Variants in BORA observed in about 807,000 individuals in gnomAD.
BORA encodes the protein protein aurora borealis.
Under a neutral mutation model 55.8 loss-of-function variants are expected in BORA, and 26 were observed. That is an observed-to-expected ratio of 0.47 (90% CI 0.34 to 0.65). BORA has a LOEUF of 0.65. Among genes scored for constraint, BORA ranks in the 30% least tolerant of loss-of-function variants. The probability of loss-of-function intolerance (pLI) is 0.01; values close to 1 mark genes in which losing one functional copy is unlikely to be tolerated. For missense variants in BORA, 568 were observed against 671.5 expected (o/e 0.85, Z 1.70); for synonymous variants, 201 against 216.9 (o/e 0.93, Z 0.64).
Position 72,729,082 on chromosome 13 carries a change from A to G in BORA, c.142A>G (p.Thr48Ala). 6.4e-7 allele frequency: 1 copy of G among 1,563,630 alleles called. No homozygotes were observed. The highest frequency in any genetic ancestry group is 8.6e-7 in the Non-Finnish European group (1 of 1,162,128). Residue 48 changes from threonine (T) to alanine (A), a missense_variant, in exon 2 of 12, where the codon ACA (threonine) becomes GCA (alanine). Thr to Ala is a moderately conservative substitution (Grantham distance 58). Coordinates refer to ENST00000390667, the MANE Select transcript of BORA (RefSeq NM_024808.5). ...TLASPSVFKS[T>A]KLPTPGKFRW... ...CGCCAGTCCTTCTGTTTTTAAATCAACAAAATTACCAGTAAGTTATTCCTG... is the reference window on the plus strand; with the variant it reads ...CGCCAGTCCTTCTGTTTTTAAATCAGCAAAATTACCAGTAAGTTATTCCTG...
Position 72,728,027 on chromosome 13 carries a change from T to C in BORA, c.-16+20T>C. The C allele has an allele frequency of 6.4e-7, 1 of 1,550,414 alleles. No individual in the cohort carries two copies. Among genetic ancestry groups the C allele is most frequent in the South Asian group, 1.2e-5 (1 of 84,042 alleles). On this transcript the variant is annotated intron_variant, in intron 1 of 11. Coordinates refer to ENST00000390667, the MANE Select transcript of BORA (RefSeq NM_024808.5). Reference sequence around the variant, plus strand: ...GCACCGGTAGGTACGCTCTTTGTGGTCCCTGGCCTTTCCTCCTGTCTGAAT... The same window carrying C: ...GCACCGGTAGGTACGCTCTTTGTGGCCCCTGGCCTTTCCTCCTGTCTGAAT...
Position 72,743,599 on chromosome 13 carries a change from G to A in BORA, c.451G>A (p.Asp151Asn), listed in dbSNP as rs181867414. Residue 151 changes from aspartate to asparagine, a missense_variant, in exon 6 of 12, where the codon GAT (aspartate) becomes AAT (asparagine). Transcript: ENST00000390667. ...KKLTIHSEKS[D>N]AACQTLLSLP... ...GCTGACCATTCATTCTGAGAAAAGC[G>A]ATGGTGAGTATGAACACAATTTGAA... The A allele has an allele frequency of 4.6e-5, 74 of 1,601,942 alleles. No individual in the cohort carries two copies. In the Admixed American group the frequency reaches 4.7e-4, roughly 10 times the overall value.
intron 2 of BORA, 89 bp from the exon 3 acceptor site, chr13:72,731,192 A>G (rs2032807936): frequency 1.3e-6 from 1 of 754,182 alleles, no homozygotes; most frequent in East Asian, 2.7e-5. Flanking sequence ...TTCATATTAT[A>G]ACCATTCATA....
At chr13:72,742,188 T>G (rs2033045464) in intron 5 of BORA, among the ~76,000 whole-genome samples, 1 of 151,698 alleles carries the variant, frequency 6.6e-6, no homozygotes, top group Admixed American at 6.6e-5. Flanking sequence ...AAATTTAGAA[T>G]TGTTAGGTTA....
rs1466775233 is a variant in BORA, at chr13:72,734,943, T to A, written c.261-17T>A. On this transcript the variant is annotated splice_polypyrimidine_tract_variant and intron_variant, in intron 3 of 11. Coordinates refer to ENST00000390667, the MANE Select transcript of BORA (RefSeq NM_024808.5). ...TAAGTAATAGCATGGTTATTTTTCT[T>A]CTTTATCTTTGTATAGAATAGATAA... is the stretch of plus-strand genomic sequence containing the variant. 6.5e-7 allele frequency: 1 copy of A among 1,529,400 alleles called. No homozygotes were observed. The allele number at this position is 1,529,400 out of a possible 1,614,324, so 94.7% of individuals were successfully genotyped here.
chr13:72,731,308 G>A lies in BORA; in HGVS notation c.181G>A (p.Asp61Asn). ...PTPGKFRWSIDQLAVINPVEI... is the reference protein window; with the variant it reads ...PTPGKFRWSINQLAVINPVEI... Reference sequence around the variant, plus strand: ...TCCAGGGAAATTTAGATGGTCTATTGATCAACTAGCTGTAATAAATCCTGT... The same window carrying A: ...TCCAGGGAAATTTAGATGGTCTATTAATCAACTAGCTGTAATAAATCCTGT... The change falls in exon 3 of 12, where the codon GAT becomes AAT. Residue 61 changes from aspartate (D) to asparagine (N), a missense_variant. Physicochemically the swap from Asp to Asn is conservative, Grantham distance 23 (BLOSUM62 1). Coordinates refer to ENST00000390667, the MANE Select transcript of BORA (RefSeq NM_024808.5). 6.2e-7 allele frequency: 1 copy of A among 1,611,608 alleles called. No homozygotes were observed. Among genetic ancestry groups the A allele is most frequent in the Non-Finnish European group, 8.5e-7 (1 of 1,178,604 alleles).
chr13:72,736,760 AC>A (rs1447641600), intron 4 of BORA, among the ~76,000 whole-genome samples: 4 of 152,116 alleles, frequency 2.6e-5, no homozygotes, highest in Non-Finnish European at 5.9e-5. Context: ...AAAAGGTTAT[AC>A]CAGTTTATAC....
Position 72,746,977 on chromosome 13 carries a change from G to C in BORA, c.1348G>C (p.Glu450Gln). The change falls in exon 10 of 12, where the codon GAG (glutamate) becomes CAG (glutamine). Residue 450 changes from glutamate (E) to glutamine (Q), a missense_variant. Transcript: ENST00000390667. ...EIADETTWIKEPVDNGSLPMT... is the reference protein window; with the variant it reads ...EIADETTWIKQPVDNGSLPMT... ...AGCAGATGAGACCACTTGGATTAAG[G>C]AGCCGGTTGATAATGGCAGTTTACC... The C allele has an allele frequency of 6.2e-7, 1 of 1,614,110 alleles. No homozygotes were observed. Among genetic ancestry groups the C allele is most frequent in the Admixed American group, 1.7e-5 (1 of 60,006 alleles).
intron 5 of BORA, among the ~76,000 whole-genome samples, chr13:72,740,789 A>G (rs1293960102): frequency 1.3e-5 from 2 of 152,226 alleles, no homozygotes; most frequent in Non-Finnish European, 1.5e-5. Flanking sequence ...TGCACCATGA[A>G]CAATAGTTTG....
Position 72,744,404 on chromosome 13 carries a change from G to A in BORA, c.455-101G>A, listed in dbSNP as rs528999747. The A allele has an allele frequency of 2.9e-5, 27 of 942,374 alleles. 1 individual carries two copies. In the Admixed American group the frequency reaches 5.2e-4, roughly 18 times the overall value. 58.4% of individuals were successfully genotyped at this position (942,374 alleles called of 1,614,324 possible). ...TAATTCCATTTGGCTGGAACATCAC[G>A]GGGAGATGATTGACTGGGCAGCACA... On this transcript the variant is annotated intron_variant, in intron 6 of 11. Coordinates refer to ENST00000390667, the MANE Select transcript of BORA (RefSeq NM_024808.5).
At position 72,755,138 on chromosome 13, in the gene BORA, T is replaced by C; in HGVS notation, c.1615-13T>C. On this transcript the variant is annotated splice_polypyrimidine_tract_variant and intron_variant, in intron 11 of 11. Transcript: ENST00000390667. ...CTTAAACTGAAAACAAGGTATTGTC[T>C]TCTTTTTCACAGCAAGACCACACAA... 1 of 1,613,054 alleles carries C rather than the reference T, an allele frequency of 6.2e-7. No homozygotes were observed. Among genetic ancestry groups the C allele is most frequent in the Non-Finnish European group, 8.5e-7 (1 of 1,179,354 alleles).
At chr13:72,735,734 C>T (rs1164656332) in intron 4 of BORA, among the ~76,000 whole-genome samples, 4 of 151,858 alleles carry the variant, frequency 2.6e-5, no homozygotes, top group African/African-American at 4.8e-5. Context: ...CTCAGTCTCC[C>T]GAGTAGCTGG....
In BORA at chr13:72,727,962, G is replaced by T. The variant is rs980146056; in HGVS notation, c.-61G>T. The T allele has an allele frequency of 8.4e-6, 13 of 1,550,480 alleles. No individual in the cohort carries two copies. Among genetic ancestry groups the T allele is most frequent in the Non-Finnish European group, 1.1e-5 (13 of 1,147,002 alleles). On this transcript the variant is annotated 5_prime_UTR_variant, in exon 1 of 12. The change creates a premature stop within an existing upstream ORF in the 5' untranslated region. Transcript: ENST00000390667. Reference sequence around the variant, plus strand: ...TGTCGTGGAAGCTGGCCTGGCCCCCGGAGCTCCCTGGAGTCGGTACTGGGG... The same window carrying T: ...TGTCGTGGAAGCTGGCCTGGCCCCCTGAGCTCCCTGGAGTCGGTACTGGGG...
intron 3 of BORA, among the ~76,000 whole-genome samples, chr13:72,731,826 T>C (rs1209219962): frequency 6.6e-6 from 1 of 152,232 alleles, no homozygotes; most frequent in Non-Finnish European, 1.5e-5. Context: ...ACGTATGCAC[T>C]GAATGGAAGG....
chr13:72,743,600 A>G lies in BORA; in HGVS notation c.452A>G (p.Asp151Gly). ...KKLTIHSEKS[D>G]AACQTLLSLP... is the part of the protein sequence containing the mutation. ...CTGACCATTCATTCTGAGAAAAGCG[A>G]TGGTGAGTATGAACACAATTTGAAA... The change falls in exon 6 of 12, where the codon GAT (aspartate) becomes GGT (glycine). Residue 151 changes from aspartate (D) to glycine (G), a missense_variant and splice_region_variant. By Grantham distance (94) the Asp-to-Gly change is moderately conservative. Transcript: ENST00000390667. 1.3e-6 allele frequency: 2 copies of G among 1,597,088 alleles called. No homozygotes were observed. Among genetic ancestry groups the G allele is most frequent in the East Asian group, 4.5e-5 (2 of 44,616 alleles).
At chr13:72,731,778 T>C (rs537526959) in intron 3 of BORA, among the ~76,000 whole-genome samples, 2 of 152,346 alleles carry the variant, frequency 1.3e-5, no homozygotes, top group Admixed American at 6.5e-5. Flanking sequence ...TTCATTGTTA[T>C]CTATGTTTGG....
intron 10 of BORA, among the ~76,000 whole-genome samples, chr13:72,750,238 T>C (rs1180654665): frequency 1.3e-5 from 2 of 152,178 alleles, no homozygotes; most frequent in African/African-American, 4.8e-5. Context: ...AAAGAATGGT[T>C]AGCATTGCCA....
At chr13:72,754,018 T>C (rs1593824737) in intron 11 of BORA, 197 bp downstream of exon 11, 2 of 520,128 alleles carry the variant, frequency 3.8e-6, no homozygotes, top group Non-Finnish European at 6.6e-6. Context: ...TACTACAAAG[T>C]GTGCAAAGGT....
intron 6 of BORA, among the ~76,000 whole-genome samples, chr13:72,744,097 G>A (rs958642648): frequency 3.3e-5 from 5 of 152,166 alleles, no homozygotes; most frequent in Non-Finnish European, 7.3e-5. Context: ...TTAAAAACAA[G>A]TATAGTAGAA....
Sources: gnomAD v4.1 joint callset for allele counts (sites outside exome capture counted in the v4.1 genomes callset) on GRCh38, gnomAD v4.1.1 for gene constraint, MANE v1.5 for transcripts, NCBI Gene and HGNC (gene_info 2026-07-23, HGNC 2026-07-21) for gene names.